The following EVI5 variants were observed in gnomAD, a reference collection of about 807,000 sequenced individuals.
EVI5 encodes the protein ecotropic viral integration site 5 protein homolog.
In EVI5, 73 loss-of-function variants were observed where a neutral mutation model predicts 112.0. The observed-to-expected ratio is 0.65, with a 90% CI of 0.54 to 0.79. The LOEUF is 0.79. Ranked by LOEUF, EVI5 falls within the 30% of genes least tolerant of loss-of-function variation. The probability of loss-of-function intolerance (pLI) is 0.00; values close to 1 mark genes in which losing one functional copy is unlikely to be tolerated. For synonymous variants in EVI5, 305 were observed against 319.9 expected (o/e 0.95, Z 0.50); for missense variants, 900 against 968.8 (o/e 0.93, Z 0.94).
At position 92,775,373 on chromosome 1, in the gene EVI5, G is replaced by A. The variant is rs192886856; in HGVS notation, c.-82+9463C>T. On this transcript the variant is annotated intron_variant, in intron 1 of 19. Transcript: ENST00000684568. ...ACCCAGGAGGCAGAAGTTGCAGTGA[G>A]CTGAGATAGCGCCACTGCACTCCAG... is the stretch of plus-strand genomic sequence containing the variant. Among the ~76,000 whole-genome samples, 337 of 151,836 alleles carry A rather than the reference G, an allele frequency of 2.2e-3. 1 individual carries two copies. Among genetic ancestry groups the A allele is most frequent in the Middle Eastern group, 0.017 (5 of 294 alleles).
At position 92,600,372 on chromosome 1, in the gene EVI5, T is replaced by C. The variant is rs149917176; in HGVS notation, c.2070+4935A>G. 3.0e-3 allele frequency among the ~76,000 whole-genome samples: 417 copies of C among 141,062 alleles called. 6 individuals are homozygous for C. The highest frequency in any genetic ancestry group is 0.011 in the African/African-American group (404 of 37,402). The allele number at this position is 141,062 out of a possible 152,430, so 92.5% of individuals were successfully genotyped here. On this transcript the variant is annotated intron_variant, in intron 18 of 19. Coordinates refer to ENST00000684568, the MANE Select transcript of EVI5 (RefSeq NM_001350197.2). The stretch of plus-strand genomic sequence containing the variant: ...GTCTTAACCTTGGTTAGAAGTTTTA[T>C]GTATAATATTTGTACACATACAATG...
chr1:92,552,701 A>G (rs934573733), intron 19 of EVI5, among the ~76,000 whole-genome samples: 1 of 152,112 alleles, frequency 6.6e-6, no homozygotes, highest in African/African-American at 2.4e-5. Context: ...TTGGCTGCGC[A>G]CTCGAATTTT....
chr1:92,671,309 C>T (rs2102265900), intron 10 of EVI5, among the ~76,000 whole-genome samples: 1 of 152,244 alleles, frequency 6.6e-6, no homozygotes, highest in South Asian at 2.1e-4. Context: ...CTCACTGTCT[C>T]TTGGCTTCTG....
chr1:92,662,883 G>GT lies in EVI5; in HGVS notation c.1246-19dup. 7.9e-7 allele frequency: 1 copy of GT among 1,264,876 alleles called. No homozygotes were observed. Among genetic ancestry groups the GT allele is most frequent in the Non-Finnish European group, 1.0e-6 (1 of 979,090 alleles). The allele number at this position is 1,264,876 out of a possible 1,614,324, so 78.4% of individuals were successfully genotyped here. A position where few individuals can be genotyped will look rare whatever the true frequency, so the allele number is the denominator to read the frequency against. On this transcript the variant is annotated intron_variant, in intron 12 of 19. Transcript: ENST00000684568. Reference sequence around the variant, plus strand: ...ACTTGTCCCTTAGGACATAATTTTTGTGTGTGTAAAGCAATTTAGGATAGA... The same window carrying GT: ...ACTTGTCCCTTAGGACATAATTTTTGTTGTGTGTAAAGCAATTTAGGATAGA...
intron 13 of EVI5, among the ~76,000 whole-genome samples, chr1:92,638,031 A>G (rs1405089268): frequency 6.6e-6 from 1 of 152,222 alleles, no homozygotes; most frequent in Non-Finnish European, 1.5e-5. Context: ...TAGATGTGCC[A>G]TAATTTATTT....
At chr1:92,735,815 A>G (rs1677321907) in intron 2 of EVI5, among the ~76,000 whole-genome samples, 1 of 144,336 alleles carries the variant, frequency 6.9e-6, no homozygotes, top group African/African-American at 2.5e-5. Context: ...TGTATATTAT[A>G]TATTATTATA....
chr1:92,703,172 T>C lies in EVI5; in HGVS notation c.564+223A>G, dbSNP rs1364839191. ...GATATGTGACTTTTAAGCTATTCCA[T>C]TTCCATCAACTAATGCTAAATAACG... is the stretch of plus-strand genomic sequence containing the variant. On this transcript the variant is annotated intron_variant, in intron 4 of 19. Transcript: ENST00000684568. 2.0e-5 allele frequency among the ~76,000 whole-genome samples: 3 copies of C among 152,112 alleles called. No individual in the cohort carries two copies. In the East Asian group the frequency reaches 5.8e-4, roughly 29 times the overall value.
chr1:92,551,040 CTTTTTTT>C (rs55898086), intron 19 of EVI5, among the ~76,000 whole-genome samples: 3 of 80,702 alleles, frequency 3.7e-5, no homozygotes, highest in Admixed American at 2.0e-4. Context: ...TTCTTTCTTT[CTTTTTTT>C]TTTTTTTTTT....
chr1:92,624,444 T>C, intron 15 of EVI5, 110 bp from the exon 16 acceptor site: 1 of 799,626 alleles, frequency 1.3e-6, no homozygotes, highest in Non-Finnish European at 2.0e-6. Flanking sequence ...TTTCCACACA[T>C]TATTTTATTT....
chr1:92,569,876 AAG>A (rs1416796067), intron 18 of EVI5, among the ~76,000 whole-genome samples: 4 of 148,834 alleles, frequency 2.7e-5, no homozygotes, highest in Non-Finnish European at 6.0e-5. Flanking sequence ...AAAAAAAAAA[AAG>A]AAATATTTCA....
chr1:92,693,717 G>A, intron 9 of EVI5, 85 bp downstream of exon 9: 3 of 728,032 alleles, frequency 4.1e-6, no homozygotes, highest in Non-Finnish European at 7.1e-6. Context: ...AAATAATATA[G>A]TTCTATAACC....
chr1:92,547,997 T>C (rs1439931850), intron 19 of EVI5, among the ~76,000 whole-genome samples: 1 of 152,236 alleles, frequency 6.6e-6, no homozygotes, highest in Admixed American at 6.5e-5. Context: ...ACTCATTTTA[T>C]GAGGCCAGCA....
chr1:92,714,589 T>C (rs1673331685), intron 2 of EVI5, among the ~76,000 whole-genome samples: 1 of 152,186 alleles, frequency 6.6e-6, no homozygotes, highest in South Asian at 2.1e-4. Flanking sequence ...CATTTTACTT[T>C]ACTTAATCTT....
intron 16 of EVI5, among the ~76,000 whole-genome samples, chr1:92,612,379 T>C (rs969755588): frequency 3.3e-5 from 5 of 152,072 alleles, no homozygotes; most frequent in Admixed American, 2.0e-4. Flanking sequence ...ATCTGGGATG[T>C]AGAAGGTCAA....
chr1:92,549,009 A>G (rs1295768546), intron 19 of EVI5, among the ~76,000 whole-genome samples: 4 of 152,186 alleles, frequency 2.6e-5, no homozygotes, highest in Non-Finnish European at 5.9e-5. Context: ...TAAAGTTCAT[A>G]TGGAACCAAA....
At chr1:92,646,092 C>T (rs1177044322) in intron 13 of EVI5, among the ~76,000 whole-genome samples, 1 of 152,210 alleles carries the variant, frequency 6.6e-6, no homozygotes, top group Non-Finnish European at 1.5e-5. Context: ...AACTCGTCTT[C>T]TACTGCAATC....
intron 18 of EVI5, chr1:92,580,422 G>A (rs533183560): frequency 6.6e-6 from 1 of 152,572 alleles, no homozygotes; most frequent in South Asian, 2.1e-4. Flanking sequence ...ATCAATGATA[G>A]TTAAAGTAAG....
chr1:92,617,614 G>A (rs1466064452), intron 16 of EVI5, among the ~76,000 whole-genome samples: 1 of 152,198 alleles, frequency 6.6e-6, no homozygotes, highest in Admixed American at 6.5e-5. Context: ...TCAGCAACAT[G>A]GATTTCCACT....
At chr1:92,569,029 G>A (rs1557808247) in intron 18 of EVI5, among the ~76,000 whole-genome samples, 1 of 152,210 alleles carries the variant, frequency 6.6e-6, no homozygotes, top group South Asian at 2.1e-4. Flanking sequence ...AGGAGTCAAT[G>A]TAGTTTACTC....
Sources: allele counts gnomAD v4.1 joint callset (sites outside exome capture counted in the v4.1 genomes callset), GRCh38; gene constraint gnomAD v4.1.1; transcripts MANE v1.5; gene names NCBI Gene and HGNC (gene_info 2026-07-23, HGNC 2026-07-21).